Variants in WFDC9 observed in about 807,000 individuals in gnomAD.
WFDC9 encodes the protein WAP four-disulfide core domain 9.
In WFDC9, 9 loss-of-function variants were observed where a neutral mutation model predicts 9.5. That is an observed-to-expected ratio of 0.95 (90% CI 0.57 to 1.65). WFDC9 has a LOEUF of 1.65. WFDC9 is among the 40% of genes most tolerant of loss of function. The pLI, the probability that WFDC9 is intolerant of heterozygous loss-of-function variation, is 0.00. For synonymous variants in WFDC9, 33 were observed against 32.3 expected (o/e 1.02, Z -0.07); for missense variants, 87 against 106.7 (o/e 0.82, Z 0.81).
At chr20:45,627,507 G>A (rs1038887714) in intron 1 of WFDC9, among the ~76,000 whole-genome samples, 15 of 150,232 alleles carry the variant, frequency 1.0e-4, no homozygotes, top group East Asian at 4.0e-4. Flanking sequence ...CTTGTTATTC[G>A]TCTGTTCAGG....
At chr20:45,620,257 AT>A (rs1433450030) in intron 1 of WFDC9, among the ~76,000 whole-genome samples, 1 of 152,040 alleles carries the variant, frequency 6.6e-6, no homozygotes, top group Admixed American at 6.6e-5. Context: ...GTCATTTGGA[AT>A]TTTTTAGGCT....
At chr20:45,622,583 A>T (rs899993208) in intron 1 of WFDC9, among the ~76,000 whole-genome samples, 12 of 152,180 alleles carry the variant, frequency 7.9e-5, no homozygotes, top group Non-Finnish European at 8.8e-5. Flanking sequence ...AGTAAAAATA[A>T]CTTCTTTTCC....
chr20:45,609,405 T>C (rs1215433474), intron 3 of WFDC9, among the ~76,000 whole-genome samples: 1 of 152,048 alleles, frequency 6.6e-6, no homozygotes, highest in Non-Finnish European at 1.5e-5. Flanking sequence ...GGTTTCACCA[T>C]GTTGGTTGGG....
chr20:45,608,031 C>A lies in WFDC9; in HGVS notation c.*79G>T. On this transcript the variant is annotated 3_prime_UTR_variant, in exon 5 of 5. Transcript: ENST00000326000. Reference sequence around the variant, plus strand: ...GTTACCAGCTAGAGCCAGTGGGTGTCCCAAGAAGGAAGTAGGCAGCACTCT... The same window carrying A: ...GTTACCAGCTAGAGCCAGTGGGTGTACCAAGAAGGAAGTAGGCAGCACTCT... 1 of 1,520,496 alleles carries A rather than the reference C, an allele frequency of 6.6e-7. No individual in the cohort carries two copies. Among genetic ancestry groups the A allele is most frequent in the Non-Finnish European group, 9.1e-7 (1 of 1,098,476 alleles). 94.2% of individuals were successfully genotyped at this position (1,520,496 alleles called of 1,614,324 possible). A position where few individuals can be genotyped will look rare whatever the true frequency, so the allele number is the denominator to read the frequency against.
At chr20:45,612,945 A>G (rs16990452) in intron 2 of WFDC9, among the ~76,000 whole-genome samples, 13,406 of 152,256 alleles carry the variant, frequency 0.088, 589 homozygotes, top group Middle Eastern at 0.11. Context: ...TTCTGACATG[A>G]ATTGCATCAT....
At chr20:45,612,088 T>C (rs1173297066) in intron 2 of WFDC9, among the ~76,000 whole-genome samples, 2 of 152,166 alleles carry the variant, frequency 1.3e-5, no homozygotes, top group African/African-American at 4.8e-5. Context: ...ACTGGGAAGA[T>C]TAAATAATAT....
chr20:45,621,518 T>C (rs765570736), intron 1 of WFDC9, among the ~76,000 whole-genome samples: 13 of 152,206 alleles, frequency 8.5e-5, no homozygotes, highest in South Asian at 2.1e-4. Context: ...AAAGTTCCCA[T>C]TGTTCTCAGA....
At chr20:45,621,146 G>A (rs796571473) in intron 1 of WFDC9, among the ~76,000 whole-genome samples, 10 of 152,188 alleles carry the variant, frequency 6.6e-5, no homozygotes, top group African/African-American at 2.2e-4. Flanking sequence ...ATCCCTTAGA[G>A]GATTTTTTAT....
At chr20:45,612,813 A>G (rs1450612296) in intron 2 of WFDC9, among the ~76,000 whole-genome samples, 2 of 152,206 alleles carry the variant, frequency 1.3e-5, no homozygotes, top group Admixed American at 6.5e-5. Flanking sequence ...GAAGAGTGGA[A>G]GAGGAACCTA....
chr20:45,622,584 CTTCTT>C (rs1284578697), intron 1 of WFDC9, among the ~76,000 whole-genome samples: 1 of 152,118 alleles, frequency 6.6e-6, no homozygotes, highest in Non-Finnish European at 1.5e-5. Flanking sequence ...GTAAAAATAA[CTTCTT>C]TTCCCTGAAA....
chr20:45,610,313 A>G (rs997507579), intron 2 of WFDC9, 74 bp from the exon 3 acceptor site: 2 of 720,052 alleles, frequency 2.8e-6, no homozygotes, highest in African/African-American at 1.8e-5. Context: ...CTATCATGTT[A>G]TTCTTTCCCT....
chr20:45,621,908 T>C (rs1224482249), intron 1 of WFDC9, among the ~76,000 whole-genome samples: 2 of 152,220 alleles, frequency 1.3e-5, no homozygotes, highest in East Asian at 3.8e-4. Flanking sequence ...AGAAAAACCA[T>C]GTGCTGAGTC....
chr20:45,631,019 G>T (rs1054107661), intron 1 of WFDC9, 184 bp downstream of exon 1: 2 of 1,594,262 alleles, frequency 1.3e-6, no homozygotes, highest in Non-Finnish European at 8.5e-7. Flanking sequence ...CATCCTGTGA[G>T]TGGGAGAGTG....
chr20:45,614,533 T>G (rs2281210), intron 2 of WFDC9, 95 bp downstream of exon 2: 22,978 of 152,124 alleles, frequency 0.15, 1,995 homozygotes, highest in East Asian at 0.32. Flanking sequence ...CAATAATCCC[T>G]ACCTCACAGG....
intron 1 of WFDC9, among the ~76,000 whole-genome samples, chr20:45,616,941 A>G (rs1981986931): frequency 1.3e-5 from 2 of 152,212 alleles, no homozygotes; most frequent in Admixed American, 6.5e-5. Flanking sequence ...ACTTTAAGTC[A>G]CCAGCTGCAT....
At chr20:45,616,398 C>T (rs1447430056) in intron 1 of WFDC9, among the ~76,000 whole-genome samples, 1 of 152,156 alleles carries the variant, frequency 6.6e-6, no homozygotes, top group African/African-American at 2.4e-5. Flanking sequence ...CTCACTGTTG[C>T]TATTTTCATC....
chr20:45,613,124 T>C (rs1981897151), intron 2 of WFDC9, among the ~76,000 whole-genome samples: 1 of 152,262 alleles, frequency 6.6e-6, no homozygotes, highest in Admixed American at 6.5e-5. Flanking sequence ...TCCAGTCATT[T>C]CAAGTATTCA....
rs1381817435 is a variant in WFDC9 at position 45,608,678 on chromosome 20, A to G, written c.224T>C (p.Ile75Thr). Residue 75 changes from isoleucine to threonine, a missense_variant, in exon 4 of 5, where the codon ATC becomes ACC. Transcript: ENST00000326000. The part of the protein sequence containing the change: ...HTCCWTYCGN[I>T]CLDNEEPLKS... ...ACCAACTCACTCGTTGTCTAAGCAG[A>G]TGTTTCCACAGTAGGTCCAGCAGCA... 1 of 1,613,218 alleles carries G rather than the reference A, an allele frequency of 6.2e-7. No homozygotes were observed. The highest frequency in any genetic ancestry group is 2.2e-5 in the East Asian group (1 of 44,880).
chr20:45,608,019 G>A lies in WFDC9; in HGVS notation c.*91C>T. ...AATAGCAGAAAGGTTACCAGCTAGA[G>A]CCAGTGGGTGTCCCAAGAAGGAAGT... On this transcript the variant is annotated 3_prime_UTR_variant, in exon 5 of 5. Transcript: ENST00000326000. 1 of 1,432,532 alleles carries A rather than the reference G, an allele frequency of 7.0e-7. No homozygotes were observed. The highest frequency in any genetic ancestry group is 9.8e-7 in the Non-Finnish European group (1 of 1,020,474). The allele number at this position is 1,432,532 out of a possible 1,614,324, so 88.7% of individuals were successfully genotyped here.
Sources: gnomAD v4.1 joint callset for allele counts (sites outside exome capture counted in the v4.1 genomes callset) on GRCh38, gnomAD v4.1.1 for gene constraint, MANE v1.5 for transcripts, NCBI Gene and HGNC (gene_info 2026-07-23, HGNC 2026-07-21) for gene names.